Variants in EFNA5 observed in about 807,000 individuals in gnomAD.
EFNA5 encodes the protein ephrin A5.
EFNA5 carries 5 observed loss-of-function variants against 22.9 expected under a neutral mutation model. That is an observed-to-expected ratio of 0.22 (90% CI 0.11 to 0.46). The LOEUF (loss-of-function observed/expected upper bound fraction) is 0.46, where lower values mean the gene tolerates loss of function less well. Ranked by LOEUF, EFNA5 falls within the 20% of genes least tolerant of loss-of-function variation. The pLI, the probability that EFNA5 is intolerant of heterozygous loss-of-function variation, is 0.99. For synonymous variants in EFNA5, 113 were observed against 112.2 expected (o/e 1.01, Z -0.04); for missense variants, 237 against 293.3 (o/e 0.81, Z 1.40).
At chr5:107,461,961 T>A (rs1749846867) in intron 1 of EFNA5, among the ~76,000 whole-genome samples, 1 of 152,162 alleles carries the variant, frequency 6.6e-6, no homozygotes, top group African/African-American at 2.4e-5. Flanking sequence ...ACTTTCTGCT[T>A]CAGGCTACAC....
At chr5:107,616,883 T>C (rs1162569943) in intron 1 of EFNA5, among the ~76,000 whole-genome samples, 4 of 152,292 alleles carry the variant, frequency 2.6e-5, no homozygotes, top group Non-Finnish European at 5.9e-5. Context: ...TCCTTTTGAT[T>C]ACATCTGAAA....
At chr5:107,439,376 G>A (rs1380547928) in intron 1 of EFNA5, among the ~76,000 whole-genome samples, 1 of 152,182 alleles carries the variant, frequency 6.6e-6, no homozygotes, top group Non-Finnish European at 1.5e-5. Flanking sequence ...AGGGTCTATG[G>A]TAGTTTGTTA....
intron 1 of EFNA5, among the ~76,000 whole-genome samples, chr5:107,561,210 A>C (rs1748534383): frequency 6.6e-6 from 1 of 152,152 alleles, no homozygotes; most frequent in Admixed American, 6.5e-5. Flanking sequence ...AGAATTAACA[A>C]TTTAAAGCCA....
intron 1 of EFNA5, among the ~76,000 whole-genome samples, chr5:107,520,531 G>C (rs1196066609): frequency 6.6e-6 from 1 of 152,202 alleles, no homozygotes; most frequent in African/African-American, 2.4e-5. Context: ...ATTTGTATCT[G>C]TGTCTAGGTG....
intron 1 of EFNA5, among the ~76,000 whole-genome samples, chr5:107,621,873 G>A (rs1483546788): frequency 2.0e-5 from 3 of 152,122 alleles, no homozygotes; most frequent in African/African-American, 7.2e-5. Context: ...GGTTTTAGAT[G>A]AGCTGTTTTT....
intron 1 of EFNA5, among the ~76,000 whole-genome samples, chr5:107,596,486 C>A (rs892033299): frequency 6.6e-6 from 1 of 152,038 alleles, no homozygotes; most frequent in Non-Finnish European, 1.5e-5. Flanking sequence ...TATAAATATA[C>A]GCCACATTTT....
intron 1 of EFNA5, among the ~76,000 whole-genome samples, chr5:107,577,491 G>C (rs541456949): frequency 1.3e-5 from 2 of 152,084 alleles, no homozygotes; most frequent in African/African-American, 4.8e-5. Flanking sequence ...AGGCCGAAAC[G>C]GGAAATTTAA....
chr5:107,557,966 T>C (rs1375170832), intron 1 of EFNA5, among the ~76,000 whole-genome samples: 1 of 152,188 alleles, frequency 6.6e-6, no homozygotes, highest in Non-Finnish European at 1.5e-5. Context: ...TGCAATCATA[T>C]GATAGTATCT....
At chr5:107,651,422 C>T (rs1350199592) in intron 1 of EFNA5, among the ~76,000 whole-genome samples, 5 of 152,134 alleles carry the variant, frequency 3.3e-5, no homozygotes, top group Non-Finnish European at 7.4e-5. Context: ...ATCTCTTCCA[C>T]AGCATTGTTT....
chr5:107,541,749 T>A (rs1396454812), intron 1 of EFNA5, among the ~76,000 whole-genome samples: 2 of 152,200 alleles, frequency 1.3e-5, no homozygotes, highest in East Asian at 3.8e-4. Context: ...TTATACTTGA[T>A]AAGAGGATAG....
intron 1 of EFNA5, among the ~76,000 whole-genome samples, chr5:107,635,727 C>G (rs572262011): frequency 6.6e-6 from 1 of 152,280 alleles, no homozygotes; most frequent in African/African-American, 2.4e-5. Context: ...AGAGGGTTCA[C>G]TACATTTAAG....
At chr5:107,602,563 C>T (rs1230292925) in intron 1 of EFNA5, among the ~76,000 whole-genome samples, 1 of 152,082 alleles carries the variant, frequency 6.6e-6, no homozygotes, top group East Asian at 1.9e-4. Context: ...AGTTTCAGAG[C>T]CCTTATACTT....
At chr5:107,449,039 GT>G (rs1453084685) in intron 1 of EFNA5, among the ~76,000 whole-genome samples, 1 of 151,870 alleles carries the variant, frequency 6.6e-6, no homozygotes, top group African/African-American at 2.4e-5. Context: ...CTATACCTCA[GT>G]TTTTAAATAA....
At chr5:107,451,317 T>A (rs545726344) in intron 1 of EFNA5, among the ~76,000 whole-genome samples, 2 of 152,290 alleles carry the variant, frequency 1.3e-5, no homozygotes, top group East Asian at 3.9e-4. Context: ...ACTACGTTGG[T>A]TTGTATTAGC....
intron 1 of EFNA5, among the ~76,000 whole-genome samples, chr5:107,491,313 TCCTTCCTC>T (rs1196023746): frequency 6.6e-6 from 1 of 152,152 alleles, no homozygotes; most frequent in African/African-American, 2.4e-5. Context: ...CCTCCCTCCC[TCCTTCCTC>T]CCTTCCTTCC....
chr5:107,463,073 TTAGA>T, intron 1 of EFNA5, among the ~76,000 whole-genome samples: 1 of 152,212 alleles, frequency 6.6e-6, no homozygotes, highest in South Asian at 2.1e-4. Context: ...GTAGCTGAGA[TTAGA>T]TAGAGAGGCA....
chr5:107,598,195 T>A (rs1251850579), intron 1 of EFNA5, among the ~76,000 whole-genome samples: 1 of 152,118 alleles, frequency 6.6e-6, no homozygotes, highest in Non-Finnish European at 1.5e-5. Flanking sequence ...TACCCCTCTC[T>A]CAGTAACAAA....
chr5:107,497,239 A>G (rs1394661491), intron 1 of EFNA5, among the ~76,000 whole-genome samples: 1 of 152,204 alleles, frequency 6.6e-6, no homozygotes, highest in Non-Finnish European at 1.5e-5. Context: ...ACATCTCCTA[A>G]CTCATTTGTA....
At chr5:107,406,416 C>T (rs1561372704) in intron 2 of EFNA5, among the ~76,000 whole-genome samples, 1 of 151,996 alleles carries the variant, frequency 6.6e-6, no homozygotes, top group African/African-American at 2.4e-5. Flanking sequence ...TCTCTGCAGC[C>T]TCTGGATGTT....
Sources: allele counts gnomAD v4.1 joint callset (sites outside exome capture counted in the v4.1 genomes callset), GRCh38; gene constraint gnomAD v4.1.1; transcripts MANE v1.5; gene names NCBI Gene and HGNC (gene_info 2026-07-23, HGNC 2026-07-21).